MYO1D: variants seen among roughly 807,000 people sequenced by gnomAD.
MYO1D encodes myosin ID.
A neutral mutation model predicts 122.0 loss-of-function variants in MYO1D; 83 were observed. The observed-to-expected ratio is 0.68, with a 90% CI of 0.57 to 0.82. The LOEUF is 0.82. MYO1D is among the 40% of genes least tolerant of loss of function. MYO1D has a pLI of 0.00. For synonymous variants in MYO1D, 464 were observed against 446.9 expected (o/e 1.04, Z -0.48); for missense variants, 1,157 against 1,269.5 (o/e 0.91, Z 1.35).
chr17:32,600,953 CT>C lies in MYO1D; in HGVS notation c.2864+4133del, dbSNP rs59778193. On this transcript the variant is annotated intron_variant, in intron 21 of 21. Transcript: ENST00000318217. ...AATCATTTCTAGCTTTTTCTTTTCCCTTTTTTTTTTTTTTTTGAGACAAGGT... is the reference window on the plus strand; with the variant it reads ...AATCATTTCTAGCTTTTTCTTTTCCCTTTTTTTTTTTTTTTGAGACAAGGT... Among the ~76,000 whole-genome samples, 1,297 of 141,554 alleles carry C rather than the reference CT, an allele frequency of 9.2e-3. 10 individuals are homozygous for C. The highest frequency in any genetic ancestry group is 0.022 in the African/African-American group (865 of 38,860). The allele number at this position is 141,554 out of a possible 152,430, so 92.9% of individuals were successfully genotyped here.
At chr17:32,817,911 G>A (rs966393564) in intron 1 of MYO1D, among the ~76,000 whole-genome samples, 14 of 151,632 alleles carry the variant, frequency 9.2e-5, no homozygotes, top group Admixed American at 3.9e-4. Flanking sequence ...CGGATCACGA[G>A]GTCAGGAGAT....
chr17:32,774,565 A>C (rs1229465573), intron 4 of MYO1D, among the ~76,000 whole-genome samples: 1 of 152,210 alleles, frequency 6.6e-6, no homozygotes, highest in Non-Finnish European at 1.5e-5. Context: ...GTTGAGCAAG[A>C]TCAATCCATA....
chr17:32,617,122 T>C (rs565307177), intron 20 of MYO1D, among the ~76,000 whole-genome samples: 13 of 152,178 alleles, frequency 8.5e-5, no homozygotes, highest in African/African-American at 2.9e-4. Context: ...GGAGGTTGCA[T>C]TGAGCTGAGA....
chr17:32,599,483 T>C (rs943219682), intron 21 of MYO1D, among the ~76,000 whole-genome samples: 3 of 152,198 alleles, frequency 2.0e-5, no homozygotes. Flanking sequence ...GAATCAATGT[T>C]TTCCAAACTT....
chr17:32,619,111 C>T lies in MYO1D; in HGVS notation c.2710-13870G>A, dbSNP rs1480626435. Among the ~76,000 whole-genome samples the T allele has an allele frequency of 2.6e-5, 4 of 152,038 alleles. No homozygotes were observed. The East Asian group carries it at 7.7e-4, about 29-fold the overall frequency. On this transcript the variant is annotated intron_variant, in intron 20 of 21. Coordinates refer to ENST00000318217, the MANE Select transcript of MYO1D (RefSeq NM_015194.3). ...GTTTCACGAAAAATTCAATTTTAAT[C>T]CCAAATAGACTGCTCTGAGGACATA...
rs145961924 is a variant in MYO1D at position 32,757,327 on chromosome 17, T to C, written c.1297-1665A>G. Among the ~76,000 whole-genome samples, 86 of 152,186 alleles carry C rather than the reference T, an allele frequency of 5.7e-4. No individual in the cohort carries two copies. In the East Asian group the frequency reaches 8.7e-3, roughly 15 times the overall value. The stretch of plus-strand genomic sequence containing the variant: ...GGGGAATTTTGCTCACCAGGGGACA[T>C]TTGGCAATATCAGGAGACATTTCTA... On this transcript the variant is annotated intron_variant, in intron 10 of 21. Coordinates refer to ENST00000318217, the MANE Select transcript of MYO1D (RefSeq NM_015194.3).
chr17:32,788,021 T>C (rs943520729), intron 1 of MYO1D, among the ~76,000 whole-genome samples: 2 of 152,192 alleles, frequency 1.3e-5, no homozygotes, highest in Non-Finnish European at 2.9e-5. Context: ...GTTGGTTTCA[T>C]ATTTTTGCAA....
intron 20 of MYO1D, among the ~76,000 whole-genome samples, chr17:32,606,013 C>A (rs1212690942): frequency 6.6e-6 from 1 of 151,974 alleles, no homozygotes; most frequent in South Asian, 2.1e-4. Flanking sequence ...GGCAGGAGAA[C>A]TGTTTGAACC....
chr17:32,507,957 C>G (rs945595117), intron 21 of MYO1D, among the ~76,000 whole-genome samples: 1 of 142,226 alleles, frequency 7.0e-6, no homozygotes, highest in Admixed American at 7.4e-5. Context: ...AGGGCAATGG[C>G]GCGATCTTGG....
At chr17:32,670,556 G>C (rs1261624031) in intron 16 of MYO1D, among the ~76,000 whole-genome samples, 2 of 152,148 alleles carry the variant, frequency 1.3e-5, no homozygotes, top group African/African-American at 4.8e-5. Context: ...ACAGCTTAAA[G>C]CCTGAAGTCC....
At position 32,546,144 on chromosome 17, in the gene MYO1D, G is replaced by A. The variant is rs893296097; in HGVS notation, c.2865-51229C>T. Among the ~76,000 whole-genome samples, 32 of 152,140 alleles carry A rather than the reference G, an allele frequency of 2.1e-4. 1 individual carries two copies. The highest frequency in any genetic ancestry group is 2.0e-3 in the Admixed American group (30 of 15,284). ...GGAGCACCCAGGCTGCCTTTGTAACGGCCCTGAGCTGTTAATGGTTCTGAT... is the reference window on the plus strand; with the variant it reads ...GGAGCACCCAGGCTGCCTTTGTAACAGCCCTGAGCTGTTAATGGTTCTGAT... On this transcript the variant is annotated intron_variant, in intron 21 of 21. Coordinates refer to ENST00000318217, the MANE Select transcript of MYO1D (RefSeq NM_015194.3).
At chr17:32,548,101 T>G (rs550040948) in intron 21 of MYO1D, among the ~76,000 whole-genome samples, 10 of 152,230 alleles carry the variant, frequency 6.6e-5, no homozygotes, top group African/African-American at 2.2e-4. Context: ...TGTCACCTGC[T>G]GAAGAAATTT....
chr17:32,729,872 A>G (rs557153992), intron 14 of MYO1D, among the ~76,000 whole-genome samples: 4 of 152,246 alleles, frequency 2.6e-5, no homozygotes, highest in African/African-American at 7.2e-5. Flanking sequence ...AAATGGGATA[A>G]AGGTGATCCC....
intron 16 of MYO1D, among the ~76,000 whole-genome samples, chr17:32,699,834 AT>A (rs561408766): frequency 5.9e-4 from 90 of 152,324 alleles, no homozygotes; most frequent in African/African-American, 2.0e-3. Flanking sequence ...ATTTTCCATA[AT>A]AAAAATATTA....
chr17:32,826,496 A>G (rs150469201), intron 1 of MYO1D, among the ~76,000 whole-genome samples: 223 of 152,348 alleles, frequency 1.5e-3, no homozygotes, highest in African/African-American at 5.1e-3. Context: ...TGGCTTGAAA[A>G]TTTATTTGTA....
intron 14 of MYO1D, among the ~76,000 whole-genome samples, chr17:32,723,047 C>A (rs1446784441): frequency 6.6e-6 from 1 of 152,114 alleles, no homozygotes; most frequent in Non-Finnish European, 1.5e-5. Context: ...ACAAAAAAAA[C>A]AAAACCTCAG....
At chr17:32,627,900 A>AACC in intron 20 of MYO1D, 1 of 152,130 alleles carries the variant, frequency 6.6e-6, no homozygotes, top group African/African-American at 2.4e-5. Flanking sequence ...TGCTCCATGG[A>AACC]TGCTGGTTTG....
chr17:32,500,010 G>T (rs1909262287), intron 21 of MYO1D, among the ~76,000 whole-genome samples: 1 of 152,194 alleles, frequency 6.6e-6, no homozygotes, highest in Non-Finnish European at 1.5e-5. Context: ...AACCCTACAA[G>T]TTTAATGGAG....
intron 4 of MYO1D, among the ~76,000 whole-genome samples, 168 bp downstream of exon 4, chr17:32,775,696 G>C (rs1289257346): frequency 2.0e-5 from 3 of 152,084 alleles, no homozygotes; most frequent in Admixed American, 2.0e-4. Flanking sequence ...GACAGTGTAA[G>C]TGCTAAGAAG....
Sources: allele counts gnomAD v4.1 joint callset (sites outside exome capture counted in the v4.1 genomes callset), GRCh38; gene constraint gnomAD v4.1.1; transcripts MANE v1.5; gene names NCBI Gene and HGNC (gene_info 2026-07-23, HGNC 2026-07-21).